PAG1: variants seen among roughly 807,000 people sequenced by gnomAD.
The protein encoded by PAG1 is phosphoprotein associated with glycosphingolipid-enriched microdomains 1.
In PAG1, 23 loss-of-function variants were observed where a neutral mutation model predicts 31.7. The observed-to-expected ratio is 0.73, with a 90% CI of 0.52 to 1.03. PAG1 has a LOEUF of 1.03. PAG1 is among the 50% of genes least tolerant of loss of function. The pLI is 0.00. For synonymous variants in PAG1, 214 were observed against 210.3 expected (o/e 1.02, Z -0.15); for missense variants, 473 against 540.7 (o/e 0.87, Z 1.24).
intron 8 of PAG1, 65 bp downstream of exon 8, chr8:80,980,370 T>C: frequency 1.1e-6 from 1 of 872,098 alleles, no homozygotes; most frequent in Non-Finnish European, 1.9e-6. Flanking sequence ...ACAGTGCATT[T>C]ATTCAAGGGG....
At chr8:81,006,193 T>A (rs1807874404) in intron 3 of PAG1, among the ~76,000 whole-genome samples, 1 of 152,180 alleles carries the variant, frequency 6.6e-6, no homozygotes, top group South Asian at 2.1e-4. Context: ...TCTGCCTGCC[T>A]CAGCCTCCCA....
intron 1 of PAG1, among the ~76,000 whole-genome samples, chr8:81,086,115 G>A (rs1809351621): frequency 6.7e-6 from 1 of 149,534 alleles, no homozygotes; most frequent in South Asian, 2.1e-4. Context: ...CCGAGTAGCT[G>A]GGACTACAGG....
chr8:80,972,259 G>C lies in PAG1; in HGVS notation c.*4285C>G, dbSNP rs1389859076. 3 of 152,106 alleles carry C rather than the reference G, an allele frequency of 2.0e-5. No individual in the cohort carries two copies. Among genetic ancestry groups the C allele is most frequent in the African/African-American group, 7.2e-5 (3 of 41,404 alleles). 9.4% of individuals were successfully genotyped at this position (152,106 alleles called of 1,614,324 possible). A position where few individuals can be genotyped will look rare whatever the true frequency, so the allele number is the denominator to read the frequency against. ...CAGCAGCCAAAGCTAAGCTGGCTGG[G>C]TACCAGAAATCAACACCTTCAGGAG... On this transcript the variant is annotated 3_prime_UTR_variant, in exon 9 of 9. Transcript: ENST00000220597.
At chr8:80,995,462 C>T (rs1807654170) in intron 3 of PAG1, among the ~76,000 whole-genome samples, 2 of 152,188 alleles carry the variant, frequency 1.3e-5, no homozygotes, top group African/African-American at 2.4e-5. Context: ...AAGAATAATT[C>T]ACTTTAAACT....
At chr8:81,069,317 A>G (rs950892511) in intron 2 of PAG1, among the ~76,000 whole-genome samples, 3 of 152,252 alleles carry the variant, frequency 2.0e-5, no homozygotes, top group African/African-American at 7.2e-5. Flanking sequence ...AACTTAGACC[A>G]GATGAATTCC....
rs774731578 is a variant in PAG1, at chr8:80,972,685, T to C, written c.*3859A>G. On this transcript the variant is annotated 3_prime_UTR_variant, in exon 9 of 9. Transcript: ENST00000220597. ...TAACAAAACTGTCTTAAAATACCAC[T>C]GTTTTTCAGCCAAGAGAATTACGGA... 6.6e-6 allele frequency: 1 copy of C among 152,170 alleles called. No homozygotes were observed. Among genetic ancestry groups the C allele is most frequent in the Non-Finnish European group, 1.5e-5 (1 of 68,028 alleles). 9.4% of individuals were successfully genotyped at this position (152,170 alleles called of 1,614,324 possible).
chr8:81,098,199 G>A (rs1373167917), intron 1 of PAG1, among the ~76,000 whole-genome samples: 3 of 152,170 alleles, frequency 2.0e-5, no homozygotes, highest in Non-Finnish European at 2.9e-5. Flanking sequence ...TGGAAATCTG[G>A]AAATTAAAAC....
At chr8:80,978,494 T>A (rs553774096) in intron 8 of PAG1, among the ~76,000 whole-genome samples, 3 of 152,310 alleles carry the variant, frequency 2.0e-5, no homozygotes, top group Non-Finnish European at 4.4e-5. Flanking sequence ...AGCGTATTCA[T>A]CACCTGGTAA....
chr8:80,987,417 T>C lies in PAG1; in HGVS notation c.227A>G (p.Asp76Gly), dbSNP rs1250766939. 1.2e-6 allele frequency: 2 copies of C among 1,613,928 alleles called. No homozygotes were observed. Among genetic ancestry groups the C allele is most frequent in the Non-Finnish European group, 8.5e-7 (1 of 1,179,904 alleles). The change falls in exon 6 of 9, where the codon GAT becomes GGT. Residue 76 changes from aspartate to glycine, a missense_variant. Physicochemically the swap from Asp to Gly is moderately conservative, Grantham distance 94. Coordinates refer to ENST00000220597, the MANE Select transcript of PAG1 (RefSeq NM_018440.4). ...ATTCTGCTCACTGCTGGCAGGAGCA[T>C]CTGTTGCCAGGCTAGTAACTGAACG... ...FSRSVTSLATDAPASSEQNGA... is the reference protein window; with the variant it reads ...FSRSVTSLATGAPASSEQNGA...
intron 1 of PAG1, among the ~76,000 whole-genome samples, chr8:81,091,347 C>G (rs1321453768): frequency 6.6e-6 from 1 of 152,148 alleles, no homozygotes; most frequent in African/African-American, 2.4e-5. Flanking sequence ...ATGCACTAAA[C>G]ACAATTCTTT....
intron 3 of PAG1, among the ~76,000 whole-genome samples, chr8:80,998,128 C>CTTT (rs3065523): frequency 5.1e-4 from 58 of 112,782 alleles, no homozygotes; most frequent in African/African-American, 1.8e-3. Context: ...AGCAGGTGTC[C>CTTT]TTTTTTTTTT....
intron 1 of PAG1, among the ~76,000 whole-genome samples, chr8:81,100,013 C>T (rs908516358): frequency 2.0e-5 from 3 of 152,202 alleles, no homozygotes; most frequent in Non-Finnish European, 4.4e-5. Flanking sequence ...AAACTTACTC[C>T]TAATTGTCAA....
At chr8:81,028,168 T>C (rs955039287) in intron 3 of PAG1, among the ~76,000 whole-genome samples, 2 of 152,192 alleles carry the variant, frequency 1.3e-5, no homozygotes, top group East Asian at 1.9e-4. Flanking sequence ...TGGGAACACA[T>C]AGCCTCAAGA....
At chr8:80,993,064 A>G (rs1449487699) in intron 4 of PAG1, 39 bp downstream of exon 4, 4 of 1,559,174 alleles carry the variant, frequency 2.6e-6, no homozygotes, top group Non-Finnish European at 3.5e-6. Flanking sequence ...CAGGGGATGT[A>G]TTAGTTTAAG....
chr8:81,003,797 C>T (rs1244576141), intron 3 of PAG1, among the ~76,000 whole-genome samples: 3 of 152,148 alleles, frequency 2.0e-5, no homozygotes, highest in Admixed American at 6.5e-5. Flanking sequence ...AATGTTGCTC[C>T]AGCAAGAATC....
intron 7 of PAG1, among the ~76,000 whole-genome samples, chr8:80,983,839 C>T (rs1807358610): frequency 6.6e-6 from 1 of 152,022 alleles, no homozygotes; most frequent in South Asian, 2.1e-4. Flanking sequence ...GTTCATAAAC[C>T]CTTTTATTGG....
At chr8:81,057,073 G>T (rs140838301) in intron 2 of PAG1, among the ~76,000 whole-genome samples, 1 of 152,146 alleles carries the variant, frequency 6.6e-6, no homozygotes, top group African/African-American at 2.4e-5. Flanking sequence ...GGAAACAACA[G>T]GTGCTGGAGA....
At chr8:81,052,721 G>A (rs1808753661) in intron 2 of PAG1, among the ~76,000 whole-genome samples, 1 of 152,180 alleles carries the variant, frequency 6.6e-6, no homozygotes, top group Non-Finnish European at 1.5e-5. Flanking sequence ...TATTTTGTGT[G>A]AACAAACCCA....
intron 3 of PAG1, among the ~76,000 whole-genome samples, chr8:81,020,748 A>C (rs1440915448): frequency 2.6e-5 from 4 of 152,192 alleles, no homozygotes; most frequent in African/African-American, 9.7e-5. Context: ...GTAGAGTTCA[A>C]AAGTGCCGAA....
Sources: allele counts gnomAD v4.1 joint callset (sites outside exome capture counted in the v4.1 genomes callset), GRCh38; gene constraint gnomAD v4.1.1; transcripts MANE v1.5; gene names NCBI Gene and HGNC (gene_info 2026-07-23, HGNC 2026-07-21).